MMS22L: variants seen among roughly 807,000 people sequenced by gnomAD.
MMS22L encodes protein MMS22-like.
MMS22L carries 74 observed loss-of-function variants against 159.1 expected under a neutral mutation model. The observed-to-expected ratio is 0.47, with a 90% CI of 0.39 to 0.56. MMS22L has a LOEUF of 0.56. Among genes scored for constraint, MMS22L ranks in the 20% least tolerant of loss-of-function variants. The pLI is 0.00. For synonymous variants in MMS22L, 517 were observed against 506.9 expected (o/e 1.02, Z -0.27); for missense variants, 1,351 against 1,422.1 (o/e 0.95, Z 0.80).
chr6:97,265,739 G>T (rs1195051206), intron 8 of MMS22L: 3 of 149,910 alleles, frequency 2.0e-5, no homozygotes, highest in Non-Finnish European at 4.4e-5. Context: ...TTTTGAGGCA[G>T]AGTCTCTCTC....
rs532186666 is a variant in MMS22L, at chr6:97,207,327, G to A, written c.2040-20637C>T. Among the ~76,000 whole-genome samples the A allele has an allele frequency of 9.1e-4, 139 of 152,266 alleles. 4 individuals are homozygous for A. In the South Asian group the frequency reaches 0.028, roughly 30 times the overall value. The stretch of plus-strand genomic sequence containing the variant: ...ATCAAGTGCTCCTCTGGTCAATTGT[G>A]TTTGTATATGAAATAGGGAACAGAA... On this transcript the variant is annotated intron_variant, in intron 14 of 24. Transcript: ENST00000683635.
Position 97,165,420 on chromosome 6 carries a change from T to G in MMS22L, c.3047A>C (p.Asn1016Thr). The change falls in exon 21 of 25, where the codon AAT (asparagine) becomes ACT (threonine). Residue 1016 changes from asparagine (N) to threonine (T), a missense_variant. Physicochemically the swap from Asn to Thr is moderately conservative, Grantham distance 65 (BLOSUM62 0). Coordinates refer to ENST00000683635, the MANE Select transcript of MMS22L (RefSeq NM_001350599.2). ...CCCTAGCAATTGATTCAAATAGGCA[T>G]TCGGATTTTGAGATTGACAACACAC... ...CIVCCQSQNPNAYLNQLLGNV... is the reference protein window; with the variant it reads ...CIVCCQSQNPTAYLNQLLGNV... 1 of 1,613,040 alleles carries G rather than the reference T, an allele frequency of 6.2e-7. No individual in the cohort carries two copies. The highest frequency in any genetic ancestry group is 8.5e-7 in the Non-Finnish European group (1 of 1,179,526).
In MMS22L at chr6:97,142,375, T is replaced by C. The variant is rs1800681148; in HGVS notation, c.*4431A>G. ...TAATTTACAATGCAGGTTATCACAG[T>C]ATCAAAATACACCTTATTAAATTTG... On this transcript the variant is annotated 3_prime_UTR_variant, in exon 25 of 25. Transcript: ENST00000683635. The C allele has an allele frequency of 6.6e-6, 1 of 152,460 alleles. No homozygotes were observed. The highest frequency in any genetic ancestry group is 6.5e-5 in the Admixed American group (1 of 15,274). 9.4% of individuals were successfully genotyped at this position (152,460 alleles called of 1,614,324 possible). A position where few individuals can be genotyped will look rare whatever the true frequency, so the allele number is the denominator to read the frequency against.
chr6:97,281,457 T>C, intron 2 of MMS22L, 95 bp from the exon 3 acceptor site: 1 of 1,046,246 alleles, frequency 9.6e-7, no homozygotes, highest in Non-Finnish European at 1.4e-6. Context: ...ATATTATACA[T>C]GACATGTATA....
At chr6:97,172,324 A>G (rs1803631862) in intron 19 of MMS22L, among the ~76,000 whole-genome samples, 1 of 152,154 alleles carries the variant, frequency 6.6e-6, no homozygotes, top group South Asian at 2.1e-4. Context: ...GGTTTCAGAC[A>G]ACCCGAATCA....
At chr6:97,209,861 G>C (rs2127939848) in intron 14 of MMS22L, among the ~76,000 whole-genome samples, 1 of 151,892 alleles carries the variant, frequency 6.6e-6, no homozygotes, top group Middle Eastern at 3.4e-3. Flanking sequence ...CATAAAGTGA[G>C]AAAAAGCAGC....
Position 97,144,834 on chromosome 6 carries a change from C to T in MMS22L, c.*1972G>A, listed in dbSNP as rs1368882886. 6.6e-6 allele frequency: 1 copy of T among 151,856 alleles called. No homozygotes were observed. Among genetic ancestry groups the T allele is most frequent in the African/African-American group, 2.4e-5 (1 of 41,358 alleles). The allele number at this position is 151,856 out of a possible 1,614,324, so 9.4% of individuals were successfully genotyped here. On this transcript the variant is annotated 3_prime_UTR_variant, in exon 25 of 25. Transcript: ENST00000683635. The stretch of plus-strand genomic sequence containing the variant: ...ATACATAAATACAAAACATATAATA[C>T]ACACACATATTGTTACACACTTTGT...
In MMS22L at chr6:97,183,037, A is replaced by G. The variant is rs141367222; in HGVS notation, c.2234-983T>C. On this transcript the variant is annotated intron_variant, in intron 15 of 24. Coordinates refer to ENST00000683635, the MANE Select transcript of MMS22L (RefSeq NM_001350599.2). ...ATTTAATGAATCTATCTTCCATTCT[A>G]CGTCAGCCATTCACTCCCATGCTGA... Among the ~76,000 whole-genome samples, 8 of 152,190 alleles carry G rather than the reference A, an allele frequency of 5.3e-5. No individual in the cohort carries two copies. The East Asian group carries it at 1.5e-3, about 29-fold the overall frequency.
At chr6:97,178,680 G>A (rs1804373045) in intron 17 of MMS22L, 95 bp from the exon 18 acceptor site, 1 of 542,986 alleles carries the variant, frequency 1.8e-6, no homozygotes, top group African/African-American at 2.0e-5. Flanking sequence ...TATATGAGAA[G>A]TAATACAGTA....
At chr6:97,208,854 G>A (rs1808066024) in intron 14 of MMS22L, among the ~76,000 whole-genome samples, 1 of 152,008 alleles carries the variant, frequency 6.6e-6, no homozygotes, top group African/African-American at 2.4e-5. Flanking sequence ...ACTGGAGCAT[G>A]TATCCTCTGC....
At chr6:97,154,168 AT>A (rs1801606629) in intron 22 of MMS22L, among the ~76,000 whole-genome samples, 1 of 152,176 alleles carries the variant, frequency 6.6e-6, no homozygotes, top group Admixed American at 6.5e-5. Flanking sequence ...CCTTGTGGGT[AT>A]GAAGTGATAT....
At chr6:97,241,025 T>A (rs116187968) in intron 11 of MMS22L, among the ~76,000 whole-genome samples, 1 of 152,218 alleles carries the variant, frequency 6.6e-6, no homozygotes, top group Non-Finnish European at 1.5e-5. Flanking sequence ...TGTGTCCTCA[T>A]AGCTTACCTC....
intron 14 of MMS22L, among the ~76,000 whole-genome samples, chr6:97,227,106 CAA>C (rs1810348884): frequency 6.6e-6 from 1 of 151,316 alleles, no homozygotes; most frequent in Admixed American, 6.6e-5. Flanking sequence ...TAACAAAAAC[CAA>C]AAAGATTGCC....
intron 18 of MMS22L, among the ~76,000 whole-genome samples, chr6:97,175,074 T>A (rs1803984150): frequency 6.6e-6 from 1 of 152,204 alleles, no homozygotes; most frequent in Non-Finnish European, 1.5e-5. Context: ...GAAGAGCTTT[T>A]AATTATTTGG....
At chr6:97,202,304 T>A (rs181062604) in intron 14 of MMS22L, among the ~76,000 whole-genome samples, 2 of 152,336 alleles carry the variant, frequency 1.3e-5, no homozygotes, top group South Asian at 4.1e-4. Flanking sequence ...TCCTGTGCAC[T>A]AACAGAAGGG....
intron 4 of MMS22L, among the ~76,000 whole-genome samples, chr6:97,278,345 G>C (rs1483910539): frequency 2.6e-5 from 4 of 151,284 alleles, no homozygotes; most frequent in South Asian, 2.1e-4. Context: ...AGAGGTTACA[G>C]TGAGCTGAGA....
At chr6:97,231,163 A>T (rs1337267306) in intron 13 of MMS22L, 1 of 380,050 alleles carries the variant, frequency 2.6e-6, no homozygotes, top group African/African-American at 2.0e-5. Context: ...TCATTTAAAA[A>T]ACAAAACAAA....
intron 11 of MMS22L, among the ~76,000 whole-genome samples, chr6:97,238,520 C>G (rs779485210): frequency 1.3e-5 from 2 of 151,442 alleles, no homozygotes; most frequent in Non-Finnish European, 2.9e-5. Flanking sequence ...AGGAGTACTA[C>G]GCATCTCCCA....
chr6:97,168,452 A>G (rs561790229), intron 19 of MMS22L, among the ~76,000 whole-genome samples: 1 of 152,294 alleles, frequency 6.6e-6, no homozygotes, highest in African/African-American at 2.4e-5. Flanking sequence ...CAAGGAAAAC[A>G]TACATTTTCC....
Sources: allele counts gnomAD v4.1 joint callset (sites outside exome capture counted in the v4.1 genomes callset), GRCh38; gene constraint gnomAD v4.1.1; transcripts MANE v1.5; gene names NCBI Gene and HGNC (gene_info 2026-07-23, HGNC 2026-07-21).